Variants in PDE4B observed in about 807,000 individuals in gnomAD.
The protein encoded by PDE4B is phosphodiesterase 4B, also known as 3',5'-cyclic-AMP phosphodiesterase 4B.
Under a neutral mutation model 82.2 loss-of-function variants are expected in PDE4B, and 20 were observed. The observed-to-expected ratio is 0.24, with a 90% confidence interval of 0.17 to 0.35. The LOEUF is 0.35. Among genes scored for constraint, PDE4B ranks in the 10% least tolerant of loss-of-function variants. PDE4B has a pLI of 1.00. For missense variants in PDE4B, 655 were observed against 907.2 expected, an observed-to-expected ratio of 0.72 and a Z score of 3.57; for synonymous variants, 320 against 318.9, an observed-to-expected ratio of 1.00 and a Z score of -0.04.
chr1:65,873,557 T>C (rs1646599698), intron 1 of PDE4B, among the ~76,000 whole-genome samples: 1 of 152,226 alleles, frequency 6.6e-6, no homozygotes, highest in Non-Finnish European at 1.5e-5. Context: ...TGTTGTACAA[T>C]GCAGTTATTA....
chr1:66,154,858 T>C (rs955424703), intron 3 of PDE4B, among the ~76,000 whole-genome samples: 1 of 152,200 alleles, frequency 6.6e-6, no homozygotes, highest in Non-Finnish European at 1.5e-5. Context: ...AATGCAGACC[T>C]GCAAAAATTT....
chr1:66,347,377 C>A (rs1157385454), intron 8 of PDE4B, among the ~76,000 whole-genome samples: 1 of 152,094 alleles, frequency 6.6e-6, no homozygotes, highest in African/African-American at 2.4e-5. Flanking sequence ...CTATTTTCAT[C>A]TTTTATAGTT....
intron 3 of PDE4B, among the ~76,000 whole-genome samples, chr1:66,091,853 A>G (rs939329910): frequency 2.0e-5 from 3 of 152,094 alleles, no homozygotes; most frequent in African/African-American, 7.2e-5. Context: ...ACTTTTATGT[A>G]CTTAATTGTT....
At chr1:66,125,616 T>C (rs949836263) in intron 3 of PDE4B, among the ~76,000 whole-genome samples, 1 of 152,252 alleles carries the variant, frequency 6.6e-6, no homozygotes, top group African/African-American at 2.4e-5. Context: ...TCAATTAGCC[T>C]ATGGTAAAAT....
chr1:66,265,471 T>G (rs1336711861), intron 6 of PDE4B, among the ~76,000 whole-genome samples: 1 of 152,218 alleles, frequency 6.6e-6, no homozygotes, highest in African/African-American at 2.4e-5. Context: ...CTTGTTATGA[T>G]GTAGAATGAC....
In PDE4B at chr1:66,224,284, TGTAA is replaced by T. The variant is rs530960093; in HGVS notation, c.282-23172_282-23169del. Among the ~76,000 whole-genome samples, 249 of 152,334 alleles carry T rather than the reference TGTAA, an allele frequency of 1.6e-3. 2 individuals carry two copies. Among genetic ancestry groups the T allele is most frequent in the Middle Eastern group, 3.4e-3 (1 of 292 alleles). On this transcript the variant is annotated intron_variant, in intron 3 of 16. Coordinates refer to ENST00000341517, the MANE Select transcript of PDE4B (RefSeq NM_002600.4). The stretch of plus-strand genomic sequence containing the variant: ...CACTTCTTTCTTTGCCAAGCTTAAA[TGTAA>T]GTATTTGTCATTAAAATTACTCCTT...
At chr1:66,325,674 T>A (rs1409587256) in intron 7 of PDE4B, among the ~76,000 whole-genome samples, 1 of 152,182 alleles carries the variant, frequency 6.6e-6, no homozygotes, top group African/African-American at 2.4e-5. Flanking sequence ...GGAAGGACGC[T>A]TTAGGATTTC....
chr1:65,825,527 T>C (rs1354291341), intron 1 of PDE4B, among the ~76,000 whole-genome samples: 1 of 152,100 alleles, frequency 6.6e-6, no homozygotes, highest in Non-Finnish European at 1.5e-5. Flanking sequence ...CTACTATCCA[T>C]AATTATCTCA....
intron 3 of PDE4B, among the ~76,000 whole-genome samples, chr1:66,096,523 T>TATATATAC (rs1553145372): frequency 3.6e-5 from 5 of 139,780 alleles, no homozygotes; most frequent in Non-Finnish European, 6.2e-5. Context: ...TATATATATA[T>TATATATAC]ATATATATAT....
chr1:66,046,473 A>T (rs1654720493), intron 3 of PDE4B, among the ~76,000 whole-genome samples: 2 of 151,882 alleles, frequency 1.3e-5, no homozygotes, highest in African/African-American at 2.4e-5. Flanking sequence ...AACTATCTGT[A>T]CTCATTCTAA....
chr1:66,057,762 C>T (rs988631700), intron 3 of PDE4B, among the ~76,000 whole-genome samples: 2 of 152,152 alleles, frequency 1.3e-5, no homozygotes, highest in Admixed American at 6.5e-5. Context: ...TCCCATGATT[C>T]AGTTATTTCC....
intron 3 of PDE4B, among the ~76,000 whole-genome samples, chr1:66,158,882 T>TA (rs1262348824): frequency 1.3e-5 from 2 of 152,094 alleles, no homozygotes; most frequent in South Asian, 2.1e-4. Context: ...TTGTGGAATC[T>TA]AAAAAAGATG....
Position 66,028,059 on chromosome 1 carries a change from A to G in PDE4B, c.281+109224A>G, listed in dbSNP as rs556335150. ...CTCTGTGTGGGGGCTCCAACCCCACATTTCCCTTCTGCATTGCCCTAGCAG... is the reference window on the plus strand; with the variant it reads ...CTCTGTGTGGGGGCTCCAACCCCACGTTTCCCTTCTGCATTGCCCTAGCAG... On this transcript the variant is annotated intron_variant, in intron 3 of 16. Transcript: ENST00000341517. Among the ~76,000 whole-genome samples, 12 of 152,270 alleles carry G rather than the reference A, an allele frequency of 7.9e-5. No individual in the cohort carries two copies. The South Asian group carries it at 2.3e-3, about 29-fold the overall frequency.
rs192952678 is a variant in PDE4B at position 66,189,648 on chromosome 1, G to A, written c.282-57812G>A. ...ATAGGCTATTGAGGCTTGTGCATTC[G>A]TCACGTAGTTCTCATGCCATGGTTT... On this transcript the variant is annotated intron_variant, in intron 3 of 16. Transcript: ENST00000341517. Among the ~76,000 whole-genome samples the A allele has an allele frequency of 5.5e-3, 839 of 152,106 alleles. 10 individuals carry two copies. Among genetic ancestry groups the A allele is most frequent in the African/African-American group, 0.019 (798 of 41,492 alleles).
intron 3 of PDE4B, among the ~76,000 whole-genome samples, chr1:66,204,536 C>T (rs1410385959): frequency 6.6e-6 from 1 of 152,236 alleles, no homozygotes; most frequent in African/African-American, 2.4e-5. Flanking sequence ...CCTAAGCAAG[C>T]CTGGGCAATG....
intron 3 of PDE4B, among the ~76,000 whole-genome samples, chr1:66,101,264 C>T (rs545526772): frequency 4.3e-4 from 66 of 152,270 alleles, no homozygotes; most frequent in Admixed American, 3.3e-3. Context: ...CAAGTCTTTG[C>T]TATTGTGAAT....
chr1:66,204,782 C>A (rs544846811), intron 3 of PDE4B, among the ~76,000 whole-genome samples: 1 of 152,210 alleles, frequency 6.6e-6, no homozygotes, highest in Non-Finnish European at 1.5e-5. Context: ...AACTCCCTGA[C>A]CCCTTGCACT....
chr1:66,177,882 C>T (rs527835314), intron 3 of PDE4B, among the ~76,000 whole-genome samples: 2 of 152,084 alleles, frequency 1.3e-5, no homozygotes, highest in African/African-American at 4.8e-5. Flanking sequence ...CTTTGGTGGG[C>T]ATTGTTTTTT....
At chr1:65,816,804 C>T (rs1194805182) in intron 1 of PDE4B, among the ~76,000 whole-genome samples, 1 of 151,880 alleles carries the variant, frequency 6.6e-6, no homozygotes, top group Admixed American at 6.6e-5. Flanking sequence ...TGTTTTAATT[C>T]GAATTTTGTA....
Sources: gnomAD v4.1 joint callset for allele counts (sites outside exome capture counted in the v4.1 genomes callset) on GRCh38, gnomAD v4.1.1 for gene constraint, MANE v1.5 for transcripts, NCBI Gene and HGNC (gene_info 2026-07-23, HGNC 2026-07-21) for gene names.